The following AFG2A variants were observed in gnomAD, a reference collection of about 807,000 sequenced individuals.
The protein encoded by AFG2A is ATPase family gene 2 protein homolog A.
chr4:123,265,245 ACTAT>A, the AFG2A span, among the ~76,000 whole-genome samples: 31 of 152,140 alleles, frequency 2.0e-4, no homozygotes, highest in Admixed American at 2.0e-3. Flanking sequence ...AATCAAGTTC[ACTAT>A]CTATGATTTT....
the AFG2A span, among the ~76,000 whole-genome samples, chr4:123,062,967 T>C: frequency 9.4e-3 from 1,431 of 152,314 alleles, 31 homozygotes; most frequent in African/African-American, 0.032. Context: ...TAAAGAGTTT[T>C]GGTTGTACTC....
the AFG2A span, among the ~76,000 whole-genome samples, chr4:123,007,584 GTGTGTGTGTGTGTGTGTGTGTGTGTATA>G: frequency 0.015 from 151 of 10,248 alleles, 4 homozygotes; most frequent in South Asian, 0.033. Flanking sequence ...GTGTGTGTGT[GTGTGTGTGTGTGTGTGTGTGTGTGTATA>G]TATATATATA....
chr4:123,072,849 A>T, the AFG2A span, among the ~76,000 whole-genome samples: 1,481 of 152,256 alleles, frequency 9.7e-3, 28 homozygotes, highest in Middle Eastern at 0.017. Flanking sequence ...TCCTAGGGAT[A>T]GAGATTGTAT....
the AFG2A span, among the ~76,000 whole-genome samples, chr4:123,252,238 T>C: frequency 1.3e-5 from 2 of 152,204 alleles, no homozygotes; most frequent in African/African-American, 4.8e-5. Context: ...TCGAGTATTT[T>C]ATAAAGCACT....
chr4:123,175,404 T>C, the AFG2A span, among the ~76,000 whole-genome samples: 1 of 152,148 alleles, frequency 6.6e-6, no homozygotes, highest in Admixed American at 6.5e-5. Context: ...TGTTCAACCT[T>C]ATGAGGAATT....
At chr4:123,090,783 A>G in the AFG2A span, 2 of 1,558,092 alleles carry the variant, frequency 1.3e-6, no homozygotes, top group Non-Finnish European at 1.7e-6. Flanking sequence ...GTTTTTGTCA[A>G]ATTACTTTCT....
At chr4:122,942,607 G>C in the AFG2A span, among the ~76,000 whole-genome samples, 1 of 152,028 alleles carries the variant, frequency 6.6e-6, no homozygotes, top group Non-Finnish European at 1.5e-5. Context: ...TTAATGTTTT[G>C]AAGGGTTTTT....
the AFG2A span, among the ~76,000 whole-genome samples, chr4:123,201,775 A>G: frequency 2.0e-5 from 3 of 152,236 alleles, no homozygotes; most frequent in Admixed American, 6.5e-5. Flanking sequence ...AAAAAAATTT[A>G]GCTGGGCATG....
At chr4:123,001,972 A>G in the AFG2A span, among the ~76,000 whole-genome samples, 1 of 152,176 alleles carries the variant, frequency 6.6e-6, no homozygotes, top group Non-Finnish European at 1.5e-5. Context: ...GACTTGCTTT[A>G]TGAATCTGGG....
chr4:123,170,897 C>G, the AFG2A span, among the ~76,000 whole-genome samples: 1 of 152,090 alleles, frequency 6.6e-6, no homozygotes, highest in Non-Finnish European at 1.5e-5. Context: ...CCTCAATTTT[C>G]TTATCCCTAA....
At chr4:122,936,134 A>G in the AFG2A span, 3 of 1,605,418 alleles carry the variant, frequency 1.9e-6, no homozygotes, top group Non-Finnish European at 1.7e-6. Context: ...GTTACGTCAG[A>G]TATTTGCTGA....
At chr4:123,009,508 C>G in the AFG2A span, among the ~76,000 whole-genome samples, 1 of 152,182 alleles carries the variant, frequency 6.6e-6, no homozygotes, top group Non-Finnish European at 1.5e-5. Context: ...TTTACTAACT[C>G]CATACTTTAT....
the AFG2A span, among the ~76,000 whole-genome samples, chr4:123,021,170 C>T: frequency 6.6e-6 from 1 of 151,698 alleles, no homozygotes; most frequent in African/African-American, 2.4e-5. Context: ...TCTTATATTC[C>T]ATACTTGTAA....
chr4:123,054,346 G>A, the AFG2A span, among the ~76,000 whole-genome samples: 477 of 151,762 alleles, frequency 3.1e-3, 6 homozygotes, highest in African/African-American at 0.011. Flanking sequence ...CTTCTATTTC[G>A]CCATCTTGGT....
the AFG2A span, among the ~76,000 whole-genome samples, chr4:122,964,689 T>C: frequency 6.6e-6 from 1 of 152,174 alleles, no homozygotes. Context: ...CAAATGTGCC[T>C]TCCACAGTGC....
chr4:123,126,863 C>T, the AFG2A span, among the ~76,000 whole-genome samples: 1 of 152,118 alleles, frequency 6.6e-6, no homozygotes, highest in South Asian at 2.1e-4. Flanking sequence ...ATACAGAGAT[C>T]AAATCATATT....
At chr4:123,029,962 A>G in the AFG2A span, among the ~76,000 whole-genome samples, 1 of 152,186 alleles carries the variant, frequency 6.6e-6, no homozygotes, top group Non-Finnish European at 1.5e-5. Context: ...TAAGGGTTGA[A>G]GTAATGAGTG....
At chr4:122,948,387 T>TACACAC in the AFG2A span, among the ~76,000 whole-genome samples, 20,488 of 129,392 alleles carry the variant, frequency 0.16, 1,988 homozygotes, top group Non-Finnish European at 0.21. Flanking sequence ...CTCCAGAGTA[T>TACACAC]ACACACACAC....
the AFG2A span, among the ~76,000 whole-genome samples, chr4:123,214,166 G>A: frequency 6.6e-6 from 1 of 152,072 alleles, no homozygotes; most frequent in South Asian, 2.1e-4. Flanking sequence ...GCTTACTCTT[G>A]TCTTAGATTA....
Sources: allele counts gnomAD v4.1 joint callset (sites outside exome capture counted in the v4.1 genomes callset), GRCh38; gene constraint gnomAD v4.1.1; transcripts MANE v1.5; gene names NCBI Gene and HGNC (gene_info 2026-07-23, HGNC 2026-07-21).